PDE4D: variants seen among roughly 807,000 people sequenced by gnomAD.
PDE4D encodes 3',5'-cyclic-AMP phosphodiesterase 4D.
PDE4D carries 24 observed loss-of-function variants against 87.4 expected under a neutral mutation model. That is an observed-to-expected ratio of 0.27 (90% confidence interval 0.20 to 0.39). The LOEUF (loss-of-function observed/expected upper bound fraction) is 0.39. Among genes scored for constraint, PDE4D ranks in the 10% least tolerant of loss-of-function variants. The pLI is 1.00. For synonymous variants in PDE4D, 384 were observed against 383.2 expected, an observed-to-expected ratio of 1.00 and a Z score of -0.02; for missense variants, 714 against 1,041.0, an observed-to-expected ratio of 0.69 and a Z score of 4.32.
chr5:60,329,876 A>C (rs1757165121), intron 1 of PDE4D, among the ~76,000 whole-genome samples: 1 of 152,246 alleles, frequency 6.6e-6, no homozygotes, highest in African/African-American at 2.4e-5. Context: ...AGATAGAAGC[A>C]GAAATGAGGT....
intron 1 of PDE4D, among the ~76,000 whole-genome samples, chr5:60,391,423 A>G (rs1282729021): frequency 6.6e-6 from 1 of 152,200 alleles, no homozygotes; most frequent in Non-Finnish European, 1.5e-5. Flanking sequence ...CAGAAGTCCT[A>G]TGAGTCTCAG....
At chr5:59,065,121 CACATAT>C (rs1561419130) in intron 5 of PDE4D, among the ~76,000 whole-genome samples, 1 of 132,584 alleles carries the variant, frequency 7.5e-6, no homozygotes, top group Admixed American at 7.7e-5. Context: ...CACACACACA[CACATAT>C]ACAATGAAAT....
intron 1 of PDE4D, among the ~76,000 whole-genome samples, chr5:59,502,170 ATT>A (rs1808399447): frequency 6.6e-6 from 1 of 152,126 alleles, no homozygotes; most frequent in Admixed American, 6.6e-5. Flanking sequence ...AAAGTTTATT[ATT>A]GAAAGGTCCT....
intron 1 of PDE4D, among the ~76,000 whole-genome samples, chr5:59,247,554 G>A (rs966349297): frequency 6.6e-6 from 1 of 152,076 alleles, no homozygotes; most frequent in African/African-American, 2.4e-5. Flanking sequence ...GTTTACTGGT[G>A]AACTTTTTAA....
intron 1 of PDE4D, among the ~76,000 whole-genome samples, chr5:59,596,407 C>T (rs187818092): frequency 7.3e-5 from 11 of 150,458 alleles, no homozygotes; most frequent in South Asian, 2.1e-4. Flanking sequence ...GAATTGACTA[C>T]GCAGAGACAT....
At chr5:59,333,635 T>G (rs1318232335) in intron 1 of PDE4D, among the ~76,000 whole-genome samples, 1 of 152,210 alleles carries the variant, frequency 6.6e-6, no homozygotes, top group Non-Finnish European at 1.5e-5. Context: ...GTTTTAATGC[T>G]GCTTAAAGGG....
At chr5:60,006,061 TAA>T (rs929458491) in intron 2 of PDE4D, among the ~76,000 whole-genome samples, 1 of 151,994 alleles carries the variant, frequency 6.6e-6, no homozygotes, top group African/African-American at 2.4e-5. Context: ...AGGTAATTTT[TAA>T]AAGACTATTT....
chr5:59,835,842 A>C (rs997304676), intron 1 of PDE4D, among the ~76,000 whole-genome samples: 10 of 151,962 alleles, frequency 6.6e-5, no homozygotes, highest in Non-Finnish European at 1.5e-4. Flanking sequence ...TGTGTGACTT[A>C]TTCTAGAAAC....
At chr5:60,080,437 G>A (rs574524380) in intron 2 of PDE4D, among the ~76,000 whole-genome samples, 24 of 152,304 alleles carry the variant, frequency 1.6e-4, no homozygotes, top group African/African-American at 5.8e-4. Context: ...AGTGGTGAGA[G>A]AGGGCATCCT....
intron 1 of PDE4D, among the ~76,000 whole-genome samples, chr5:59,467,546 G>C (rs924703530): frequency 6.6e-6 from 1 of 152,180 alleles, no homozygotes; most frequent in Non-Finnish European, 1.5e-5. Flanking sequence ...ACATTGGATA[G>C]ATAATCTCAA....
intron 1 of PDE4D, among the ~76,000 whole-genome samples, chr5:60,346,247 A>G (rs1396397997): frequency 2.0e-5 from 3 of 152,152 alleles, no homozygotes; most frequent in South Asian, 2.1e-4. Context: ...GAGAAATTCA[A>G]CTGGAAAGTT....
At chr5:59,075,092 AC>A (rs1162910647) in intron 5 of PDE4D, among the ~76,000 whole-genome samples, 1 of 144,368 alleles carries the variant, frequency 6.9e-6, no homozygotes, top group Non-Finnish European at 1.6e-5. Flanking sequence ...ACACACACAC[AC>A]ACACACACAC....
intron 2 of PDE4D, among the ~76,000 whole-genome samples, chr5:60,043,551 C>T (rs1212291565): frequency 6.6e-6 from 1 of 152,016 alleles, no homozygotes; most frequent in Non-Finnish European, 1.5e-5. Context: ...AGAGAGAAAG[C>T]TCAGGTTACT....
intron 1 of PDE4D, among the ~76,000 whole-genome samples, chr5:60,329,985 C>T (rs550934896): frequency 3.3e-5 from 5 of 152,128 alleles, no homozygotes; most frequent in Non-Finnish European, 5.9e-5. Context: ...AACAGCTCTG[C>T]GTGGGCAAAA....
intron 6 of PDE4D, among the ~76,000 whole-genome samples, chr5:59,007,866 G>A (rs1751949973): frequency 6.6e-6 from 1 of 151,840 alleles, no homozygotes; most frequent in Admixed American, 6.6e-5. Flanking sequence ...ATTTAAAATA[G>A]TAAACACCTG....
intron 5 of PDE4D, among the ~76,000 whole-genome samples, chr5:59,148,068 A>G (rs1778932564): frequency 6.6e-6 from 1 of 152,174 alleles, no homozygotes; most frequent in Admixed American, 6.5e-5. Flanking sequence ...TTAATAGAGA[A>G]ATGAATTGAT....
At chr5:60,334,635 T>C (rs1477917177) in intron 1 of PDE4D, among the ~76,000 whole-genome samples, 2 of 151,912 alleles carry the variant, frequency 1.3e-5, no homozygotes, top group Non-Finnish European at 2.9e-5. Flanking sequence ...GTATTTCCTA[T>C]TTAGGAGACA....
At chr5:59,211,235 TA>T (rs1267783213) in intron 2 of PDE4D, among the ~76,000 whole-genome samples, 1 of 152,200 alleles carries the variant, frequency 6.6e-6, no homozygotes, top group East Asian at 1.9e-4. Context: ...TTACTTTTCT[TA>T]AGAATTAAGT....
intron 2 of PDE4D, among the ~76,000 whole-genome samples, chr5:60,179,141 C>T (rs1223486350): frequency 6.6e-6 from 1 of 152,052 alleles, no homozygotes; most frequent in African/African-American, 2.4e-5. Flanking sequence ...AGTTCTTATG[C>T]TATAAGTAGG....
Sources: allele counts gnomAD v4.1 joint callset (sites outside exome capture counted in the v4.1 genomes callset), GRCh38; gene constraint gnomAD v4.1.1; transcripts MANE v1.5; gene names NCBI Gene and HGNC (gene_info 2026-07-23, HGNC 2026-07-21).